The following UNC93A variants were observed in gnomAD, a reference collection of about 807,000 sequenced individuals.
UNC93A encodes the protein unc-93 homolog A, also known as N-acetylglucosamine transporter UNC93A.
A neutral mutation model predicts 47.5 loss-of-function variants in UNC93A; 43 were observed. The observed-to-expected ratio is 0.91, with a 90% confidence interval of 0.71 to 1.17. The LOEUF is 1.17. UNC93A is among the 50% of genes most tolerant of loss of function. The pLI is 0.00. For missense variants in UNC93A, 605 were observed against 577.6 expected (o/e 1.05, Z -0.49); for synonymous variants, 280 against 258.0 (o/e 1.09, Z -0.82).
intron 1 of UNC93A, among the ~76,000 whole-genome samples, chr6:167,280,024 C>T (rs1296601459): frequency 6.6e-6 from 1 of 152,222 alleles, no homozygotes; most frequent in Non-Finnish European, 1.5e-5. Context: ...TCCATGAGCA[C>T]AAGAAGATGC....
upstream of UNC93A, among the ~76,000 whole-genome samples, chr6:167,288,159 G>C (rs1252337858): frequency 2.0e-5 from 3 of 152,050 alleles, no homozygotes; most frequent in Non-Finnish European, 2.9e-5. Context: ...CTTGCCACAC[G>C]ATGGGTCTCT....
At chr6:167,281,263 G>C (rs891018296) in intron 1 of UNC93A, among the ~76,000 whole-genome samples, 3 of 151,700 alleles carry the variant, frequency 2.0e-5, no homozygotes, top group African/African-American at 4.8e-5. Context: ...ATCCCACGGA[G>C]AGGAGCCCCA....
intron 1 of UNC93A, among the ~76,000 whole-genome samples, chr6:167,277,665 CTCTGTCTCTTTCTCTT>C (rs1358923682): frequency 2.9e-5 from 4 of 138,510 alleles, no homozygotes; most frequent in African/African-American, 9.1e-5. Flanking sequence ...CTCTCTATCT[CTCTGTCTCTTTCTCTT>C]TCTGTCTCTC....
chr6:167,284,438 G>A (rs1783686380), intron 1 of UNC93A, among the ~76,000 whole-genome samples: 1 of 152,270 alleles, frequency 6.6e-6, no homozygotes, highest in South Asian at 2.1e-4. Flanking sequence ...GGGTAAAGGG[G>A]TTTAAAAACA....
At chr6:167,274,980 C>T (rs1562339018) in intron 1 of UNC93A, among the ~76,000 whole-genome samples, 1 of 152,178 alleles carries the variant, frequency 6.6e-6, no homozygotes, top group South Asian at 2.1e-4. Flanking sequence ...ACTGGTGTTA[C>T]CAGACGTGGC....
intron 1 of UNC93A, among the ~76,000 whole-genome samples, chr6:167,278,064 G>A (rs1016763730): frequency 6.6e-6 from 1 of 152,162 alleles, no homozygotes; most frequent in Non-Finnish European, 1.5e-5. Flanking sequence ...ATGCCAAATA[G>A]GTTTAAAATT....
At chr6:167,290,994 G>A (rs1172210848), upstream of UNC93A, among the ~76,000 whole-genome samples, 2 of 152,136 alleles carry the variant, frequency 1.3e-5, 1 homozygote, top group East Asian at 3.8e-4. Context: ...CTCTTTTTCA[G>A]AAGTTGAACT....
At chr6:167,286,937 C>A (rs1320460231), upstream of UNC93A, among the ~76,000 whole-genome samples, 1 of 145,036 alleles carries the variant, frequency 6.9e-6, no homozygotes, top group Admixed American at 7.4e-5. Context: ...AAGATCGCGC[C>A]ACTGCACTCC....
intron 1 of UNC93A, among the ~76,000 whole-genome samples, chr6:167,280,488 A>C (rs383630): frequency 0.72 from 109,364 of 152,120 alleles, 39,904 homozygotes; most frequent in African/African-American, 0.85. Context: ...AGGGCTGAGC[A>C]CATTCACCCA....
chr6:167,299,319 C>G (rs2346122), intron 4 of UNC93A, among the ~76,000 whole-genome samples: 33,092 of 151,718 alleles, frequency 0.22, 3,817 homozygotes, highest in African/African-American at 0.29. Flanking sequence ...GGGGTACCAA[C>G]TCCTGCACTC....
At chr6:167,279,949 A>G (rs576920073) in intron 1 of UNC93A, among the ~76,000 whole-genome samples, 3 of 152,348 alleles carry the variant, frequency 2.0e-5, no homozygotes, top group South Asian at 4.1e-4. Flanking sequence ...AATTACCTAG[A>G]AAACATTACC....
intron 1 of UNC93A, among the ~76,000 whole-genome samples, chr6:167,277,545 T>G (rs924076977): frequency 6.6e-6 from 1 of 152,140 alleles, no homozygotes; most frequent in African/African-American, 2.4e-5. Flanking sequence ...AGAGGCAGAT[T>G]GCAGGTCAGG....
chr6:167,302,288 T>G (rs3010549), intron 4 of UNC93A, among the ~76,000 whole-genome samples: 1 of 151,900 alleles, frequency 6.6e-6, no homozygotes, highest in Non-Finnish European at 1.5e-5. Flanking sequence ...AGGACACTGA[T>G]GCTGAGAGAG....
At chr6:167,282,750 A>G (rs1783654850) in intron 1 of UNC93A, among the ~76,000 whole-genome samples, 1 of 152,186 alleles carries the variant, frequency 6.6e-6, no homozygotes, top group Admixed American at 6.5e-5. Flanking sequence ...ACATGTGCCC[A>G]AGGTGGTTGG....
upstream of UNC93A, among the ~76,000 whole-genome samples, chr6:167,288,346 G>T (rs1783776881): frequency 6.6e-6 from 1 of 152,162 alleles, no homozygotes; most frequent in African/African-American, 2.4e-5. Context: ...CCAGGGGAAG[G>T]CGGAGTGGTC....
intron 1 of UNC93A, among the ~76,000 whole-genome samples, chr6:167,275,646 A>C (rs1431204208): frequency 2.0e-5 from 3 of 152,236 alleles, no homozygotes; most frequent in Admixed American, 6.5e-5. Flanking sequence ...TGCATGAGGC[A>C]CATGTCCCAG....
intron 5 of UNC93A, among the ~76,000 whole-genome samples, chr6:167,304,441 C>T (rs116374115): frequency 6.6e-6 from 1 of 152,234 alleles, no homozygotes. Flanking sequence ...ACTCACCCCA[C>T]AGACACTCAT....
chr6:167,306,709 T>C (rs1471063625), intron 6 of UNC93A, among the ~76,000 whole-genome samples: 1 of 152,134 alleles, frequency 6.6e-6, no homozygotes, highest in Non-Finnish European at 1.5e-5. Flanking sequence ...GGGTTTCCTA[T>C]CCGTCTTCAC....
intron 4 of UNC93A, among the ~76,000 whole-genome samples, chr6:167,299,911 C>T (rs1033168852): frequency 6.6e-6 from 1 of 152,172 alleles, no homozygotes; most frequent in Non-Finnish European, 1.5e-5. Context: ...AGACCCCATG[C>T]CAGCGTGACT....
Sources: allele counts gnomAD v4.1 joint callset (sites outside exome capture counted in the v4.1 genomes callset), GRCh38; gene constraint gnomAD v4.1.1; transcripts MANE v1.5; gene names NCBI Gene and HGNC (gene_info 2026-07-23, HGNC 2026-07-21).